CLSTN2: variants seen among roughly 807,000 people sequenced by gnomAD.
CLSTN2 encodes calsyntenin-2.
A neutral mutation model predicts 101.2 loss-of-function variants in CLSTN2; 48 were observed. The ratio of observed to expected loss-of-function variants is 0.47; its 90% CI spans 0.38 to 0.60. The LOEUF (loss-of-function observed/expected upper bound fraction) is 0.60, where lower values mean the gene tolerates loss of function less well. Ranked by LOEUF, CLSTN2 falls within the 20% of genes least tolerant of loss-of-function variation. The probability of loss-of-function intolerance (pLI) is 0.00; values close to 1 mark genes in which losing one functional copy is unlikely to be tolerated. For synonymous variants in CLSTN2, 481 were observed against 463.6 expected (o/e 1.04, Z -0.48); for missense variants, 1,160 against 1,238.2 (o/e 0.94, Z 0.95).
At chr3:140,281,568 C>T (rs1559827844) in intron 2 of CLSTN2, among the ~76,000 whole-genome samples, 1 of 152,110 alleles carries the variant, frequency 6.6e-6, no homozygotes, top group African/African-American at 2.4e-5. Flanking sequence ...ACCTAATTAC[C>T]TAACTCTGGG....
At chr3:140,151,059 TTGG>T (rs1368342270) in intron 1 of CLSTN2, among the ~76,000 whole-genome samples, 1 of 152,140 alleles carries the variant, frequency 6.6e-6, no homozygotes, top group Non-Finnish European at 1.5e-5. Flanking sequence ...CTGTACCTTC[TTGG>T]TGGCTGACAT....
At chr3:140,213,945 A>G (rs1156783414) in intron 2 of CLSTN2, among the ~76,000 whole-genome samples, 3 of 152,138 alleles carry the variant, frequency 2.0e-5, no homozygotes, top group Non-Finnish European at 2.9e-5. Flanking sequence ...CAGGCCTTGT[A>G]GGAGGTTGAA....
chr3:140,375,391 T>C (rs1282507320), intron 2 of CLSTN2, among the ~76,000 whole-genome samples: 2 of 152,198 alleles, frequency 1.3e-5, no homozygotes, highest in Admixed American at 6.5e-5. Flanking sequence ...GTGGGAGGCC[T>C]GTGCACCTGT....
At chr3:140,290,451 T>C (rs905586137) in intron 2 of CLSTN2, among the ~76,000 whole-genome samples, 2 of 152,142 alleles carry the variant, frequency 1.3e-5, no homozygotes, top group South Asian at 4.1e-4. Context: ...GACCAATGCA[T>C]GCCTCTTAGA....
At chr3:140,347,807 A>G (rs887520233) in intron 2 of CLSTN2, among the ~76,000 whole-genome samples, 1 of 152,332 alleles carries the variant, frequency 6.6e-6, no homozygotes, top group Admixed American at 6.5e-5. Context: ...TGGAATTGTT[A>G]AAGAATTTAT....
intron 2 of CLSTN2, among the ~76,000 whole-genome samples, chr3:140,227,971 G>A (rs1325026084): frequency 6.6e-6 from 1 of 152,190 alleles, no homozygotes; most frequent in East Asian, 1.9e-4. Flanking sequence ...GGCTGGTGAT[G>A]GGAGGGGCTG....
intron 1 of CLSTN2, among the ~76,000 whole-genome samples, chr3:140,165,935 T>A (rs746078990): frequency 7.2e-5 from 11 of 152,260 alleles, no homozygotes; most frequent in Admixed American, 1.3e-4. Context: ...CACAGAAGGC[T>A]GATGAGTCTG....
intron 8 of CLSTN2, among the ~76,000 whole-genome samples, chr3:140,528,025 C>G (rs1481422710): frequency 1.3e-5 from 2 of 152,032 alleles, no homozygotes; most frequent in Non-Finnish European, 2.9e-5. Flanking sequence ...ACACAATATA[C>G]CCATGTAACA....
chr3:140,331,307 G>T lies in CLSTN2; in HGVS notation c.233-72322G>T, dbSNP rs1044056091. 4.3e-4 allele frequency among the ~76,000 whole-genome samples: 65 copies of T among 152,180 alleles called. 1 individual carries two copies. Among genetic ancestry groups the T allele is most frequent in the Non-Finnish European group, 2.9e-5 (2 of 68,036 alleles). ...ACCTGCTTTTCTACCTGGGCTGGCA[G>T]CTGATCAGATGGTGCCTACCCACAA... On this transcript the variant is annotated intron_variant, in intron 2 of 16. Coordinates refer to ENST00000458420, the MANE Select transcript of CLSTN2 (RefSeq NM_022131.3).
chr3:140,289,530 C>T (rs1314692167), intron 2 of CLSTN2, among the ~76,000 whole-genome samples: 1 of 152,086 alleles, frequency 6.6e-6, no homozygotes, highest in Non-Finnish European at 1.5e-5. Flanking sequence ...TATCACAATC[C>T]CATCTGTGGC....
intron 1 of CLSTN2, among the ~76,000 whole-genome samples, chr3:140,075,277 G>A (rs1044109495): frequency 1.3e-5 from 2 of 152,010 alleles, no homozygotes; most frequent in African/African-American, 2.4e-5. Context: ...ATGTTTCAGT[G>A]CACTAATATT....
At chr3:140,250,169 C>T (rs866436340) in intron 2 of CLSTN2, among the ~76,000 whole-genome samples, 39 of 152,324 alleles carry the variant, frequency 2.6e-4, no homozygotes, top group Non-Finnish European at 4.6e-4. Flanking sequence ...ATTCAGCAAC[C>T]AAACTTTTTG....
chr3:140,289,357 T>G (rs2086928623), intron 2 of CLSTN2, among the ~76,000 whole-genome samples: 1 of 152,066 alleles, frequency 6.6e-6, no homozygotes, highest in Non-Finnish European at 1.5e-5. Flanking sequence ...TTTGTTTGTT[T>G]TTGCAGGGGG....
At chr3:140,421,518 C>G (rs780246110) in intron 5 of CLSTN2, among the ~76,000 whole-genome samples, 23 of 152,080 alleles carry the variant, frequency 1.5e-4, no homozygotes, top group Non-Finnish European at 2.2e-4. Context: ...CTCCCTTTCT[C>G]CAATCTCATG....
chr3:140,385,449 A>C (rs2088040377), intron 2 of CLSTN2, among the ~76,000 whole-genome samples: 1 of 145,408 alleles, frequency 6.9e-6, no homozygotes. Flanking sequence ...ACTCGCTGTA[A>C]ACTCCTCCTC....
chr3:140,353,151 G>A (rs946041660), intron 2 of CLSTN2, among the ~76,000 whole-genome samples: 3 of 151,488 alleles, frequency 2.0e-5, no homozygotes, highest in Non-Finnish European at 4.4e-5. Context: ...ATTTTTATCA[G>A]TAACTTGAGC....
chr3:140,402,421 A>T (rs976141576), intron 2 of CLSTN2, among the ~76,000 whole-genome samples: 4 of 152,250 alleles, frequency 2.6e-5, no homozygotes, highest in African/African-American at 9.6e-5. Context: ...AATTGGAATA[A>T]ATTGATATAA....
intron 8 of CLSTN2, among the ~76,000 whole-genome samples, chr3:140,531,749 G>A (rs1205558973): frequency 6.6e-6 from 1 of 152,118 alleles, no homozygotes; most frequent in East Asian, 1.9e-4. Flanking sequence ...ATTCCCTTGA[G>A]GTTAAGAATT....
intron 8 of CLSTN2, among the ~76,000 whole-genome samples, chr3:140,500,882 T>A (rs537734162): frequency 1.3e-5 from 2 of 152,332 alleles, no homozygotes; most frequent in South Asian, 4.1e-4. Context: ...CTATTAAGAA[T>A]CTATTAATAC....
Sources: gnomAD v4.1 joint callset for allele counts (sites outside exome capture counted in the v4.1 genomes callset) on GRCh38, gnomAD v4.1.1 for gene constraint, MANE v1.5 for transcripts, NCBI Gene and HGNC (gene_info 2026-07-23, HGNC 2026-07-21) for gene names.